Variants in DCLK1 observed in about 807,000 individuals in gnomAD.
The protein encoded by DCLK1 is serine/threonine-protein kinase DCLK1.
Under a neutral mutation model 86.2 loss-of-function variants are expected in DCLK1, and 16 were observed. That is an observed-to-expected ratio of 0.19 (90% CI 0.13 to 0.28). The LOEUF is 0.28. DCLK1 is among the 10% of genes least tolerant of loss of function. The pLI is 1.00. For missense variants in DCLK1, 590 were observed against 940.2 expected (o/e 0.63, Z 4.87); for synonymous variants, 369 against 370.5 (o/e 1.00, Z 0.05).
chr13:36,120,361 C>G lies in DCLK1; in HGVS notation c.376+5401G>C, dbSNP rs546252044. The stretch of plus-strand genomic sequence containing the variant: ...TTATAACACCATATTTTTATTGTAC[C>G]TTTTCTATGTCTAGAGATGTTTAGA... On this transcript the variant is annotated intron_variant, in intron 2 of 16. Transcript: ENST00000360631. Among the ~76,000 whole-genome samples, 5 of 152,062 alleles carry G rather than the reference C, an allele frequency of 3.3e-5. No individual in the cohort carries two copies. The South Asian group carries it at 1.0e-3, about 32-fold the overall frequency.
chr13:35,976,243 G>A (rs1413826929), intron 3 of DCLK1, among the ~76,000 whole-genome samples: 2 of 152,144 alleles, frequency 1.3e-5, no homozygotes, highest in East Asian at 1.9e-4. Context: ...CAGGAAGGGC[G>A]TGGGCAAGTA....
chr13:36,090,311 T>C (rs974402028), intron 3 of DCLK1, among the ~76,000 whole-genome samples: 6 of 152,290 alleles, frequency 3.9e-5, no homozygotes, highest in African/African-American at 7.2e-5. Context: ...CACAGGCATA[T>C]TTTCAAAATA....
intron 3 of DCLK1, among the ~76,000 whole-genome samples, chr13:35,985,739 C>T (rs1222778624): frequency 6.6e-6 from 1 of 152,156 alleles, no homozygotes; most frequent in Non-Finnish European, 1.5e-5. Flanking sequence ...CCCTCCAGGC[C>T]CTTTTTCCTT....
chr13:35,955,528 C>T (rs938984776), intron 3 of DCLK1, among the ~76,000 whole-genome samples: 6 of 152,134 alleles, frequency 3.9e-5, no homozygotes, highest in Admixed American at 1.3e-4. Context: ...CTAATACTAT[C>T]GCCTTGGAGG....
At chr13:35,802,709 T>C (rs1273395185) in intron 15 of DCLK1, among the ~76,000 whole-genome samples, 1 of 151,994 alleles carries the variant, frequency 6.6e-6, no homozygotes, top group Non-Finnish European at 1.5e-5. Context: ...ATAAAATGCC[T>C]AAATAACAAC....
At chr13:35,957,409 G>T (rs1878050930) in intron 3 of DCLK1, among the ~76,000 whole-genome samples, 1 of 152,128 alleles carries the variant, frequency 6.6e-6, no homozygotes, top group Non-Finnish European at 1.5e-5. Context: ...TTTCCCTCTT[G>T]ATGTTTTTTA....
In DCLK1 at chr13:35,949,354, A is replaced by G. The variant is rs1221956548; in HGVS notation, c.724-1897T>C. Reference sequence around the variant, plus strand: ...TTCTCACACAGCATCATGCAGACAGATACTGTTCCTCAGAGTGCCCTTTGG... The same window carrying G: ...TTCTCACACAGCATCATGCAGACAGGTACTGTTCCTCAGAGTGCCCTTTGG... On this transcript the variant is annotated intron_variant, in intron 3 of 16. Transcript: ENST00000360631. Among the ~76,000 whole-genome samples, 5 of 152,332 alleles carry G rather than the reference A, an allele frequency of 3.3e-5. No individual in the cohort carries two copies. In the South Asian group the frequency reaches 8.3e-4, roughly 25 times the overall value.
chr13:35,839,539 G>A (rs1415470100), intron 6 of DCLK1, among the ~76,000 whole-genome samples: 1 of 152,044 alleles, frequency 6.6e-6, no homozygotes, highest in Non-Finnish European at 1.5e-5. Flanking sequence ...CTCAAATGTG[G>A]CACTATACTG....
At chr13:35,871,116 CG>C in intron 5 of DCLK1, 107 bp downstream of exon 5, 2 of 861,024 alleles carry the variant, frequency 2.3e-6, no homozygotes, top group Admixed American at 4.6e-5. Context: ...AATTATAAAC[CG>C]GAACCTACAC....
Position 35,826,540 on chromosome 13 carries a change from A to AGGAAGGAAGGAAGGAAGGAAGG in DCLK1, c.1407+1094_1407+1095insCCTTCCTTCCTTCCTTCCTTCC, listed in dbSNP as rs1382422000. Reference sequence around the variant, plus strand: ...CTCCATCTCAAAAAAAAAAAAAAAAAAAGAAAGAAAGAAAGAAAGAAACAA... The same window carrying AGGAAGGAAGGAAGGAAGGAAGG: ...CTCCATCTCAAAAAAAAAAAAAAAAAGGAAGGAAGGAAGGAAGGAAGGAAGAAAGAAAGAAAGAAAGAAACAA... On this transcript the variant is annotated intron_variant, in intron 10 of 16. Transcript: ENST00000360631. Among the ~76,000 whole-genome samples the AGGAAGGAAGGAAGGAAGGAAGG allele has an allele frequency of 1.5e-3, 138 of 92,786 alleles. 34 individuals are homozygous for AGGAAGGAAGGAAGGAAGGAAGG. The highest frequency in any genetic ancestry group is 0.015 in the Middle Eastern group (3 of 204). 60.9% of individuals were successfully genotyped at this position (92,786 alleles called of 152,430 possible).
chr13:36,085,234 T>G (rs888272817), intron 3 of DCLK1, among the ~76,000 whole-genome samples: 3 of 152,190 alleles, frequency 2.0e-5, no homozygotes, highest in African/African-American at 7.2e-5. Context: ...ATGTTTATAT[T>G]TAAAATACAT....
At chr13:36,056,906 A>AATATATAT (rs1555359542) in intron 3 of DCLK1, among the ~76,000 whole-genome samples, 15 of 130,168 alleles carry the variant, frequency 1.2e-4, no homozygotes, top group Admixed American at 6.9e-4. Context: ...AAAAAAAAAA[A>AATATATAT]ATATATATAT....
At chr13:36,090,458 C>T (rs917248471) in intron 3 of DCLK1, among the ~76,000 whole-genome samples, 3 of 151,992 alleles carry the variant, frequency 2.0e-5, no homozygotes, top group Non-Finnish European at 4.4e-5. Flanking sequence ...TTAGGGTGTA[C>T]AGGGGAAAAT....
chr13:35,771,240 T>C lies in DCLK1; in HGVS notation c.*3295A>G, dbSNP rs2086327565. 4 of 152,220 alleles carry C rather than the reference T, an allele frequency of 2.6e-5. No individual in the cohort carries two copies. The allele number at this position is 152,220 out of a possible 1,614,324, so 9.4% of individuals were successfully genotyped here. ...GGATTGCAATTTTAGCCTTCATTCA[T>C]GGATATATTGCTTTCTTTCAACAAT... On this transcript the variant is annotated 3_prime_UTR_variant, in exon 17 of 17. Transcript: ENST00000360631.
chr13:36,044,014 C>G (rs561730728), intron 3 of DCLK1, among the ~76,000 whole-genome samples: 141 of 152,294 alleles, frequency 9.3e-4, no homozygotes, highest in African/African-American at 3.3e-3. Context: ...GGAGAGGGGC[C>G]TAGTGGGCGG....
Position 35,793,380 on chromosome 13 carries a change from C to T in DCLK1, c.2044G>A (p.Val682Ile). 1 of 1,605,664 alleles carries T rather than the reference C, an allele frequency of 6.2e-7. No individual in the cohort carries two copies. The highest frequency in any genetic ancestry group is 1.1e-5 in the South Asian group (1 of 89,554). ...CAGATGCTTACTGCTATGACAGAAA[C>T]TCCAGCTGCTGTGCTATTCGGCTTG... ...GPKPNSTAAG[V>I]SVIATTALDK... The change falls in exon 16 of 17, where the codon GTT becomes ATT. Residue 682 changes from valine (V) to isoleucine (I), a missense_variant. Val to Ile is a conservative substitution (Grantham distance 29, BLOSUM62 3). Transcript: ENST00000360631.
chr13:35,917,782 G>A (rs1875513922), intron 4 of DCLK1, among the ~76,000 whole-genome samples: 2 of 151,218 alleles, frequency 1.3e-5, no homozygotes. Flanking sequence ...AATATTTTAG[G>A]CAGAGCTCAG....
chr13:35,876,525 A>G (rs1396834038), intron 4 of DCLK1, among the ~76,000 whole-genome samples: 2 of 152,222 alleles, frequency 1.3e-5, no homozygotes, highest in African/African-American at 4.8e-5. Flanking sequence ...TTAAATAGGA[A>G]TTGTATTTTA....
At chr13:35,920,524 A>G (rs1156502817) in intron 4 of DCLK1, among the ~76,000 whole-genome samples, 1 of 152,182 alleles carries the variant, frequency 6.6e-6, no homozygotes, top group Non-Finnish European at 1.5e-5. Flanking sequence ...CAGGAATTGA[A>G]GGGAATATGA....
Sources: allele counts gnomAD v4.1 joint callset (sites outside exome capture counted in the v4.1 genomes callset), GRCh38; gene constraint gnomAD v4.1.1; transcripts MANE v1.5; gene names NCBI Gene and HGNC (gene_info 2026-07-23, HGNC 2026-07-21).